The following PPFIA2 variants were observed in gnomAD, a reference collection of about 807,000 sequenced individuals.
PPFIA2 encodes the protein PPFI scaffold protein A2.
PPFIA2 carries 46 observed loss-of-function variants against 175.5 expected under a neutral mutation model. That is an observed-to-expected ratio of 0.26 (90% CI 0.21 to 0.34). PPFIA2 has a LOEUF of 0.34. Among genes scored for constraint, PPFIA2 ranks in the 10% least tolerant of loss-of-function variants. PPFIA2 has a pLI of 1.00. For missense variants in PPFIA2, 1,179 were observed against 1,506.1 expected (o/e 0.78, Z 3.60); for synonymous variants, 568 against 511.4 (o/e 1.11, Z -1.49).
chr12:81,277,428 TA>T lies in PPFIA2; in HGVS notation c.3213-15del, dbSNP rs751621027. 49,814 of 1,028,250 alleles carry T rather than the reference TA, an allele frequency of 0.048. 9 individuals are homozygous for T. The highest frequency in any genetic ancestry group is 0.076 in the South Asian group (3,998 of 52,806). 63.7% of individuals were successfully genotyped at this position (1,028,250 alleles called of 1,614,324 possible). On this transcript the variant is annotated splice_polypyrimidine_tract_variant and intron_variant, in intron 27 of 32. Transcript: ENST00000549396. ...TGTAAACTTGTTCTTTTTTTTTTAT[TA>T]AAAAAAAAAAAACACAGTGAGTCTA...
At chr12:81,627,200 G>GAATAA (rs898910032) in intron 4 of PPFIA2, among the ~76,000 whole-genome samples, 2 of 151,914 alleles carry the variant, frequency 1.3e-5, no homozygotes, top group African/African-American at 4.8e-5. Context: ...TAGATAATAG[G>GAATAA]AATAAAATCC....
intron 4 of PPFIA2, among the ~76,000 whole-genome samples, chr12:81,604,195 CAGG>C (rs1268520583): frequency 6.6e-6 from 1 of 151,444 alleles, no homozygotes; most frequent in Non-Finnish European, 1.5e-5. Context: ...ATGGCAAAAG[CAGG>C]AGGTTAAAGG....
intron 4 of PPFIA2, among the ~76,000 whole-genome samples, chr12:81,530,753 A>AG (rs1567206946): frequency 1.6e-5 from 1 of 62,852 alleles, no homozygotes; most frequent in African/African-American, 9.0e-5. Flanking sequence ...TAAAAAAGAG[A>AG]AAAAAAAAAA....
chr12:81,423,529 A>G (rs78227150), intron 7 of PPFIA2, among the ~76,000 whole-genome samples: 1 of 152,158 alleles, frequency 6.6e-6, no homozygotes, highest in African/African-American at 2.4e-5. Context: ...GAAAAGGCAA[A>G]TGAAAAAGTT....
At chr12:81,593,725 C>T (rs1432744043) in intron 4 of PPFIA2, among the ~76,000 whole-genome samples, 1 of 152,106 alleles carries the variant, frequency 6.6e-6, no homozygotes, top group Non-Finnish European at 1.5e-5. Context: ...AAAAATTTTC[C>T]AGTGGGCACT....
chr12:81,387,167 GA>G (rs1231231153), intron 8 of PPFIA2, among the ~76,000 whole-genome samples: 6 of 149,880 alleles, frequency 4.0e-5, no homozygotes, highest in South Asian at 2.1e-4. Flanking sequence ...CTTTCTCGGG[GA>G]AAAAAAAATA....
intron 3 of PPFIA2, among the ~76,000 whole-genome samples, chr12:81,720,821 T>G (rs904621348): frequency 4.0e-5 from 6 of 151,394 alleles, no homozygotes; most frequent in Non-Finnish European, 8.9e-5. Flanking sequence ...AATAAATTTT[T>G]TTTGTTTGTT....
intron 4 of PPFIA2, among the ~76,000 whole-genome samples, chr12:81,567,652 C>T (rs931539090): frequency 1.3e-5 from 2 of 152,182 alleles, no homozygotes; most frequent in Admixed American, 1.3e-4. Context: ...CTGAAGTGAA[C>T]TTCCTGGTTG....
chr12:81,386,305 AAATAAATAAATAAAT>A (rs2038932550), intron 8 of PPFIA2, among the ~76,000 whole-genome samples: 1 of 150,038 alleles, frequency 6.7e-6, no homozygotes, highest in South Asian at 2.1e-4. Flanking sequence ...ATAAATAAAT[AAATAAATAAATAAAT>A]AAGAAAAGAA....
At chr12:81,531,538 T>G in intron 4 of PPFIA2, among the ~76,000 whole-genome samples, 1 of 151,540 alleles carries the variant, frequency 6.6e-6, no homozygotes, top group Non-Finnish European at 1.5e-5. Context: ...TTTAGTCAAC[T>G]TACAAAGGAC....
At chr12:81,754,255 T>A (rs375597649) in intron 2 of PPFIA2, 32 bp from the exon 3 acceptor site, 4 of 1,553,824 alleles carry the variant, frequency 2.6e-6, no homozygotes, top group Non-Finnish European at 3.5e-6. Context: ...GGAGTCTTAG[T>A]AAAGAAATGA....
At chr12:81,282,734 G>T in intron 26 of PPFIA2, 1 of 263,414 alleles carries the variant, frequency 3.8e-6, no homozygotes, top group Non-Finnish European at 7.2e-6. Context: ...AGTGATTTCA[G>T]AGGAATTTAA....
intron 4 of PPFIA2, among the ~76,000 whole-genome samples, chr12:81,494,027 G>A (rs1021763922): frequency 7.9e-5 from 12 of 151,906 alleles, no homozygotes; most frequent in Admixed American, 7.9e-4. Context: ...TTCAGGACAG[G>A]CATGGGCAAG....
intron 21 of PPFIA2, 135 bp from the exon 22 acceptor site, chr12:81,326,005 G>A (rs117927805): frequency 1.8e-5 from 11 of 602,812 alleles, no homozygotes; most frequent in Non-Finnish European, 3.0e-5. Context: ...ACTAACCCAA[G>A]ATGCATAAAA....
intron 8 of PPFIA2, among the ~76,000 whole-genome samples, chr12:81,389,194 TTA>T (rs965530409): frequency 4.1e-5 from 6 of 147,984 alleles, no homozygotes; most frequent in South Asian, 2.1e-4. Context: ...TACACATATA[TTA>T]TATATATATA....
intron 5 of PPFIA2, among the ~76,000 whole-genome samples, chr12:81,452,582 T>C (rs1431719917): frequency 6.6e-6 from 1 of 152,206 alleles, no homozygotes; most frequent in East Asian, 1.9e-4. Flanking sequence ...AGAACTTTCA[T>C]AAATAACTAT....
chr12:81,509,565 C>T (rs772332702), intron 4 of PPFIA2, among the ~76,000 whole-genome samples: 2 of 151,032 alleles, frequency 1.3e-5, no homozygotes, highest in African/African-American at 4.9e-5. Context: ...GAAAATACTT[C>T]GAGGTCTTGC....
At chr12:81,348,610 C>T (rs991545828) in intron 17 of PPFIA2, among the ~76,000 whole-genome samples, 6 of 152,038 alleles carry the variant, frequency 3.9e-5, no homozygotes, top group Non-Finnish European at 7.4e-5. Context: ...GTGGTGCATG[C>T]CTGTAATCCC....
chr12:81,444,385 A>G (rs996070796), intron 6 of PPFIA2, among the ~76,000 whole-genome samples: 1 of 152,190 alleles, frequency 6.6e-6, no homozygotes, highest in African/African-American at 2.4e-5. Context: ...TTCTATACAT[A>G]TAAACTCTTG....
Sources: gnomAD v4.1 joint callset for allele counts (sites outside exome capture counted in the v4.1 genomes callset) on GRCh38, gnomAD v4.1.1 for gene constraint, MANE v1.5 for transcripts, NCBI Gene and HGNC (gene_info 2026-07-23, HGNC 2026-07-21) for gene names.